Variants in DDR2 observed in about 807,000 individuals in gnomAD.
The protein encoded by DDR2 is discoidin domain-containing receptor 2.
DDR2 carries 27 observed loss-of-function variants against 94.9 expected under a neutral mutation model. The ratio of observed to expected loss-of-function variants is 0.28; its 90% CI spans 0.21 to 0.39. The LOEUF is 0.39. Ranked by LOEUF, DDR2 falls within the 10% of genes least tolerant of loss-of-function variation. The pLI is 1.00. For missense variants in DDR2, 783 were observed against 1,076.0 expected, an observed-to-expected ratio of 0.73 and a Z score of 3.81; for synonymous variants, 382 against 377.2, an observed-to-expected ratio of 1.01 and a Z score of -0.15.
Position 162,784,217 on chromosome 1 carries a change from G to A in DDR2, c.*3971G>A, listed in dbSNP as rs1648056761. 6.5e-6 allele frequency: 1 copy of A among 152,718 alleles called. No individual in the cohort carries two copies. The highest frequency in any genetic ancestry group is 1.9e-4 in the East Asian group (1 of 5,192). The allele number at this position is 152,718 out of a possible 1,614,324, so 9.5% of individuals were successfully genotyped here. A position where few individuals can be genotyped will look rare whatever the true frequency, so the allele number is the denominator to read the frequency against. ...TGAGTAAAGGAGAATAGAAGAAGGG[G>A]AGTGTCCGCAAAATGGAAAGAGATG... is the stretch of plus-strand genomic sequence containing the variant. On this transcript the variant is annotated 3_prime_UTR_variant, in exon 18 of 18. Coordinates refer to ENST00000367921, the MANE Select transcript of DDR2 (RefSeq NM_006182.4).
chr1:162,746,296 A>G (rs1662859587), intron 3 of DDR2, among the ~76,000 whole-genome samples: 1 of 152,226 alleles, frequency 6.6e-6, no homozygotes, highest in Non-Finnish European at 1.5e-5. Context: ...CAATGGTCTT[A>G]GCAAACGGCA....
intron 14 of DDR2, among the ~76,000 whole-genome samples, chr1:162,775,371 T>C (rs890577569): frequency 6.6e-6 from 1 of 152,206 alleles, no homozygotes; most frequent in African/African-American, 2.4e-5. Context: ...TATTAATCAC[T>C]TTCTGTGTGG....
At chr1:162,652,056 C>T (rs904837966) in intron 1 of DDR2, among the ~76,000 whole-genome samples, 4 of 152,314 alleles carry the variant, frequency 2.6e-5, no homozygotes, top group African/African-American at 7.2e-5. Context: ...TGAAAACATG[C>T]ACTTTGGCAT....
intron 11 of DDR2, among the ~76,000 whole-genome samples, chr1:162,767,689 T>G (rs554654612): frequency 6.6e-6 from 1 of 152,240 alleles, no homozygotes; most frequent in South Asian, 2.1e-4. Context: ...AAAAAAAAAT[T>G]TAACAAGTGC....
chr1:162,744,323 A>C (rs893724624), intron 3 of DDR2, among the ~76,000 whole-genome samples: 6 of 152,106 alleles, frequency 3.9e-5, no homozygotes, highest in Non-Finnish European at 7.4e-5. Flanking sequence ...CTTTCCTCCC[A>C]ATTCCTGGCA....
intron 10 of DDR2, 107 bp downstream of exon 10, chr1:162,766,170 T>C: frequency 8.1e-7 from 1 of 1,228,340 alleles, no homozygotes; most frequent in Admixed American, 1.7e-5. Flanking sequence ...TTTACACCAG[T>C]TGGCTTTGGA....
At chr1:162,723,262 G>A (rs1661501985) in intron 3 of DDR2, among the ~76,000 whole-genome samples, 1 of 152,164 alleles carries the variant, frequency 6.6e-6, no homozygotes, top group Non-Finnish European at 1.5e-5. Flanking sequence ...GGAGGATAAT[G>A]AGTGAGAGAG....
At position 162,772,033 on chromosome 1, in the gene DDR2, G is replaced by T; in HGVS notation, c.1514G>T (p.Gly505Val). The change falls in exon 13 of 18, where the codon GGT becomes GTT. Residue 505 changes from glycine to valine, a missense_variant. Gly to Val is a moderately radical substitution (Grantham distance 109). Around this residue, in one of 2 missense-constraint regions of DDR2, gnomAD observed 519 missense variants for 647.9 expected, o/e 0.80. Coordinates refer to ENST00000367921, the MANE Select transcript of DDR2 (RefSeq NM_006182.4). ...GCCCTTGTCTTCCCAGGCTGCAGCG[G>T]TGTTGTGAAGCCAGTCCAGCCCAGT... ...APGEEESGCS[G>V]VVKPVQPSGP... 5 of 1,607,676 alleles carry T rather than the reference G, an allele frequency of 3.1e-6. No individual in the cohort carries two copies. Among genetic ancestry groups the T allele is most frequent in the Non-Finnish European group, 3.4e-6 (4 of 1,177,248 alleles).
rs1648163194 is a variant in DDR2 at position 162,786,646 on chromosome 1, C to T, written c.*6400C>T. ...CTTTGCTCTTTATAGTCTTTCATTC[C>T]TGGGGAAGTGATGGGGCATGGGCCC... On this transcript the variant is annotated 3_prime_UTR_variant, in exon 18 of 18. Transcript: ENST00000367921. The T allele has an allele frequency of 6.6e-6, 1 of 152,110 alleles. No homozygotes were observed. Among genetic ancestry groups the T allele is most frequent in the African/African-American group, 2.4e-5 (1 of 41,406 alleles). The allele number at this position is 152,110 out of a possible 1,614,324, so 9.4% of individuals were successfully genotyped here.
intron 1 of DDR2, among the ~76,000 whole-genome samples, chr1:162,635,802 G>A (rs1260858148): frequency 6.6e-6 from 1 of 152,204 alleles, no homozygotes; most frequent in Non-Finnish European, 1.5e-5. Context: ...TTGGGAATCA[G>A]TACTTTGAAC....
Position 162,755,762 on chromosome 1 carries a change from G to A in DDR2, c.664G>A (p.Gly222Arg). The A allele has an allele frequency of 6.2e-7, 1 of 1,613,928 alleles. No homozygotes were observed. Among genetic ancestry groups the A allele is most frequent in the African/African-American group, 1.3e-5 (1 of 75,034 alleles). Residue 222 changes from glycine (G) to arginine (R), a missense_variant, in exon 7 of 18, where the codon GGA becomes AGA. Gly to Arg is a moderately radical substitution (Grantham distance 125, BLOSUM62 -2). Around this residue, in one of 2 missense-constraint regions of DDR2, gnomAD observed 519 missense variants for 647.9 expected, o/e 0.80. Transcript: ENST00000367921. Reference sequence around the variant, plus strand: ...TGATTCTGTCTATGATGGAGCTGTTGGATACAGGTAAATCCTGGGAAACTT... The same window carrying A: ...TGATTCTGTCTATGATGGAGCTGTTAGATACAGGTAAATCCTGGGAAACTT... ...LNDSVYDGAV[G>R]YSMTEGLGQL...
chr1:162,643,814 G>A (rs1471214127), intron 1 of DDR2, among the ~76,000 whole-genome samples: 3 of 152,146 alleles, frequency 2.0e-5, no homozygotes, highest in Non-Finnish European at 2.9e-5. Context: ...CAATGTACTC[G>A]AATATTGAAA....
intron 5 of DDR2, 112 bp downstream of exon 5, chr1:162,754,967 A>C (rs764448382): frequency 4.8e-6 from 7 of 1,450,844 alleles, no homozygotes; most frequent in Non-Finnish European, 6.7e-6. Context: ...CAGACCAGGC[A>C]TGCCCTTGTA....
intron 2 of DDR2, among the ~76,000 whole-genome samples, chr1:162,680,866 A>G (rs755835805): frequency 1.1e-4 from 17 of 152,206 alleles, no homozygotes; most frequent in Non-Finnish European, 1.2e-4. Context: ...AGTTGAAATT[A>G]TGGAGCTAAG....
chr1:162,747,454 A>G (rs1662935225), intron 3 of DDR2, among the ~76,000 whole-genome samples: 1 of 48,876 alleles, frequency 2.0e-5, no homozygotes, highest in African/African-American at 4.1e-5. Context: ...TAGAGAAAAA[A>G]GAGTAAAAAA....
At chr1:162,635,579 C>G (rs975409350) in intron 1 of DDR2, among the ~76,000 whole-genome samples, 1 of 152,146 alleles carries the variant, frequency 6.6e-6, no homozygotes, top group Non-Finnish European at 1.5e-5. Flanking sequence ...TACCTCTTGC[C>G]CTGTTTGAAG....
rs1056323839 is a variant in DDR2, at chr1:162,776,212, C to T, written c.2125C>T (p.Arg709Ter). Residue 709 changes from arginine to a stop codon, truncating the protein, a stop_gained, in exon 16 of 18, where the codon CGA becomes TGA. Transcript: ENST00000367921. LOFTEE classifies it high-confidence loss of function. ...CCTTTCCTCTCTTAATTTTGTTCAC[C>T]GAGATCTGGCCACACGAAACTGTTT... ...KYLSSLNFVHRDLATRNCLVG... is the reference protein window; with the variant it reads ...KYLSSLNFVH 5.6e-6 allele frequency: 9 copies of T among 1,613,882 alleles called. No individual in the cohort carries two copies. Among genetic ancestry groups the T allele is most frequent in the African/African-American group, 1.3e-5 (1 of 74,940 alleles).
chr1:162,663,051 C>T (rs563599395), intron 2 of DDR2, among the ~76,000 whole-genome samples: 1 of 152,124 alleles, frequency 6.6e-6, no homozygotes, highest in African/African-American at 2.4e-5. Flanking sequence ...TTTATTCACC[C>T]TAAGCATAAC....
In DDR2 at chr1:162,755,657, T is replaced by G. The variant is rs1571296676; in HGVS notation, c.566-7T>G. 1 of 1,613,998 alleles carries G rather than the reference T, an allele frequency of 6.2e-7. No individual in the cohort carries two copies. Among genetic ancestry groups the G allele is most frequent in the South Asian group, 1.1e-5 (1 of 91,086 alleles). On this transcript the variant is annotated splice_polypyrimidine_tract_variant and splice_region_variant and intron_variant, in intron 6 of 17. Transcript: ENST00000367921. The stretch of plus-strand genomic sequence containing the variant: ...TAGGCACTCACTTGGCTGTGTTTCC[T>G]TTGCAGATGGCTTGGTGTCTTACAA...
Sources: allele counts gnomAD v4.1 joint callset (sites outside exome capture counted in the v4.1 genomes callset), GRCh38; gene constraint gnomAD v4.1.1; regional missense constraint gnomAD v4.1.1; transcripts MANE v1.5; gene names NCBI Gene and HGNC (gene_info 2026-07-23, HGNC 2026-07-21).